The following ART3 variants were observed in gnomAD, a reference collection of about 807,000 sequenced individuals.
The protein encoded by ART3 is ecto-ADP-ribosyltransferase 3.
In ART3, 49 loss-of-function variants were observed where a neutral mutation model predicts 48.5. The ratio of observed to expected loss-of-function variants is 1.01; its 90% CI spans 0.80 to 1.28. The LOEUF (loss-of-function observed/expected upper bound fraction) is 1.28. ART3 is among the 50% of genes most tolerant of loss of function. ART3 has a pLI of 0.00. For missense variants in ART3, 438 were observed against 454.3 expected (o/e 0.96, Z 0.33); for synonymous variants, 145 against 157.2 (o/e 0.92, Z 0.58).
intron 1 of ART3, among the ~76,000 whole-genome samples, chr4:76,043,770 C>T (rs909341553): frequency 5.3e-5 from 8 of 150,212 alleles, no homozygotes; most frequent in Non-Finnish European, 1.0e-4. Flanking sequence ...CCTCAAGTGC[C>T]GCCAAAGTGG....
intron 1 of ART3, among the ~76,000 whole-genome samples, chr4:76,041,954 T>C (rs1375370445): frequency 6.6e-6 from 1 of 152,244 alleles, no homozygotes. Flanking sequence ...TCAGATACAT[T>C]CTCTGTGTTC....
chr4:76,076,178 G>A (rs972164268), intron 2 of ART3, among the ~76,000 whole-genome samples: 1 of 152,090 alleles, frequency 6.6e-6, no homozygotes, highest in Admixed American at 6.5e-5. Flanking sequence ...CTAATTTTTT[G>A]TATTTTTGGT....
At chr4:76,023,843 T>C (rs1398628365) in intron 1 of ART3, among the ~76,000 whole-genome samples, 1 of 152,210 alleles carries the variant, frequency 6.6e-6, no homozygotes, top group Non-Finnish European at 1.5e-5. Context: ...CTTTCAGAGG[T>C]TATTTTTCAA....
chr4:76,046,128 G>C (rs1735477677), intron 1 of ART3, among the ~76,000 whole-genome samples: 1 of 141,290 alleles, frequency 7.1e-6, no homozygotes, highest in Admixed American at 7.3e-5. Context: ...CCTAGATCCT[G>C]GGCCAGTGCC....
chr4:76,090,902 C>A (rs542351752), intron 3 of ART3, among the ~76,000 whole-genome samples: 1 of 152,296 alleles, frequency 6.6e-6, no homozygotes, highest in East Asian at 1.9e-4. Flanking sequence ...TTCCTTTCTC[C>A]TCCCTTTCCC....
chr4:76,027,022 C>A (rs1372141290), intron 1 of ART3, among the ~76,000 whole-genome samples: 8 of 152,172 alleles, frequency 5.3e-5, no homozygotes, highest in Non-Finnish European at 1.2e-4. Flanking sequence ...GAGGCCCAGG[C>A]GGGTGGATCA....
chr4:76,088,521 G>T (rs1724118302), intron 3 of ART3, among the ~76,000 whole-genome samples: 1 of 152,048 alleles, frequency 6.6e-6, no homozygotes, highest in Non-Finnish European at 1.5e-5. Context: ...GAGCCTACAG[G>T]ACTATCCAGA....
At chr4:76,046,202 G>A (rs927463837) in intron 1 of ART3, among the ~76,000 whole-genome samples, 4 of 152,028 alleles carry the variant, frequency 2.6e-5, no homozygotes, top group Non-Finnish European at 4.4e-5. Flanking sequence ...AAGTTGGGAC[G>A]TGTGGTCTGT....
chr4:76,017,557 A>C (rs1412866896), intron 1 of ART3, among the ~76,000 whole-genome samples: 1 of 151,116 alleles, frequency 6.6e-6, no homozygotes, highest in Admixed American at 6.6e-5. Context: ...TGGTGCAAGC[A>C]CTCTCTTTGC....
At chr4:76,098,919 A>G in intron 4 of ART3, 36 bp from the exon 5 acceptor site, 3 of 1,563,210 alleles carry the variant, frequency 1.9e-6, no homozygotes, top group Non-Finnish European at 2.6e-6. Flanking sequence ...ACATCTGAGC[A>G]TAGTACCATG....
intron 1 of ART3, among the ~76,000 whole-genome samples, chr4:76,055,521 T>C (rs961777646): frequency 6.6e-6 from 1 of 152,092 alleles, no homozygotes; most frequent in Non-Finnish European, 1.5e-5. Flanking sequence ...ACAGCAGCAA[T>C]GAAAAACACA....
chr4:76,079,865 G>C (rs1161323127), intron 2 of ART3, among the ~76,000 whole-genome samples: 4 of 151,712 alleles, frequency 2.6e-5, no homozygotes, highest in African/African-American at 9.7e-5. Flanking sequence ...TTACAAGTTA[G>C]TATCTCTGTC....
intron 3 of ART3, among the ~76,000 whole-genome samples, chr4:76,086,520 G>A (rs1454540381): frequency 6.6e-6 from 1 of 152,168 alleles, no homozygotes; most frequent in Non-Finnish European, 1.5e-5. Context: ...CAGGTAGGAT[G>A]AACAGATTTG....
intron 1 of ART3, among the ~76,000 whole-genome samples, chr4:76,053,240 TC>T (rs1368934160): frequency 6.6e-6 from 1 of 152,218 alleles, no homozygotes; most frequent in Non-Finnish European, 1.5e-5. Context: ...GGATTGTTTC[TC>T]ATTGGCTTAA....
chr4:76,097,743 T>C, intron 4 of ART3, 67 bp downstream of exon 4: 1 of 1,258,126 alleles, frequency 7.9e-7, no homozygotes, highest in Non-Finnish European at 1.2e-6. Flanking sequence ...TAGCTATGGG[T>C]CAGAGCTACC....
chr4:76,022,644 A>T, intron 1 of ART3: 2 of 1,588,442 alleles, frequency 1.3e-6, no homozygotes, highest in South Asian at 2.2e-5. Context: ...TTAATACAGT[A>T]TATAATTACA....
intron 1 of ART3, among the ~76,000 whole-genome samples, chr4:76,012,452 C>T (rs1184079712): frequency 1.3e-5 from 2 of 152,166 alleles, no homozygotes; most frequent in Admixed American, 1.3e-4. Context: ...CCTCTCCCCA[C>T]GCAGGGAGTC....
At chr4:76,091,233 A>G (rs1724816785) in intron 3 of ART3, among the ~76,000 whole-genome samples, 1 of 152,248 alleles carries the variant, frequency 6.6e-6, no homozygotes, top group East Asian at 1.9e-4. Flanking sequence ...GTATGGACAT[A>G]TGCTTTCATT....
chr4:76,062,494 T>C lies in ART3; in HGVS notation c.-9-13387T>C, dbSNP rs190774508. Among the ~76,000 whole-genome samples, 223 of 151,790 alleles carry C rather than the reference T, an allele frequency of 1.5e-3. 1 individual carries two copies. Among genetic ancestry groups the C allele is most frequent in the African/African-American group, 5.1e-3 (212 of 41,408 alleles). On this transcript the variant is annotated intron_variant, in intron 1 of 9. Transcript: ENST00000341029. ...GTTATTGCTAAGCATTTAAAAATGA[T>C]CCACCATTTTGCAGAGATTTAAACA... is the stretch of plus-strand genomic sequence containing the variant.
Sources: gnomAD v4.1 joint callset for allele counts (sites outside exome capture counted in the v4.1 genomes callset) on GRCh38, gnomAD v4.1.1 for gene constraint, MANE v1.5 for transcripts, NCBI Gene and HGNC (gene_info 2026-07-23, HGNC 2026-07-21) for gene names.